Variants in PODXL observed in about 807,000 individuals in gnomAD.
PODXL encodes podocalyxin.
Under a neutral mutation model 48.9 loss-of-function variants are expected in PODXL, and 20 were observed. That is an observed-to-expected ratio of 0.41 (90% CI 0.29 to 0.59). PODXL has a LOEUF of 0.59. PODXL is among the 20% of genes least tolerant of loss of function. PODXL has a pLI of 0.31. For synonymous variants in PODXL, 295 were observed against 287.4 expected (o/e 1.03, Z -0.27); for missense variants, 606 against 675.1 (o/e 0.90, Z 1.13).
chr7:131,512,350 C>T (rs1330172445), intron 1 of PODXL, among the ~76,000 whole-genome samples: 1 of 152,068 alleles, frequency 6.6e-6, no homozygotes, highest in Non-Finnish European at 1.5e-5. Flanking sequence ...CTGCTTACTA[C>T]ACGGAGGAAG....
intron 1 of PODXL, among the ~76,000 whole-genome samples, chr7:131,548,780 C>A (rs1798623371): frequency 6.6e-6 from 1 of 152,016 alleles, no homozygotes; most frequent in Admixed American, 6.6e-5. Flanking sequence ...GACATGGCCC[C>A]CTCCTGCTTC....
At chr7:131,527,612 G>T (rs904079786) in intron 1 of PODXL, among the ~76,000 whole-genome samples, 36 of 152,312 alleles carry the variant, frequency 2.4e-4, no homozygotes, top group African/African-American at 7.7e-4. Context: ...GCCTGACTCG[G>T]GCAGACTGAA....
chr7:131,546,384 GCTAACCACC>G (rs774204718), intron 1 of PODXL, among the ~76,000 whole-genome samples: 6 of 152,142 alleles, frequency 3.9e-5, no homozygotes, highest in Non-Finnish European at 7.3e-5. Flanking sequence ...CACGTTATGG[GCTAACCACC>G]TAGGGGGCTG....
intron 1 of PODXL, among the ~76,000 whole-genome samples, chr7:131,519,539 ATTGTT>A (rs1798060769): frequency 6.6e-6 from 1 of 152,154 alleles, no homozygotes; most frequent in Non-Finnish European, 1.5e-5. Flanking sequence ...AAAATCAAAA[ATTGTT>A]TTTTTTAAAC....
chr7:131,544,735 C>A (rs1798544527), intron 1 of PODXL, among the ~76,000 whole-genome samples: 1 of 152,146 alleles, frequency 6.6e-6, no homozygotes, highest in Non-Finnish European at 1.5e-5. Context: ...ACAATGGGCA[C>A]CCCTCCTCAT....
intron 7 of PODXL, 64 bp from the exon 8 acceptor site, chr7:131,506,099 T>G (rs994471462): frequency 6.4e-7 from 1 of 1,573,814 alleles, no homozygotes; most frequent in African/African-American, 1.3e-5. Flanking sequence ...CCGGCTTCAC[T>G]GTAGAGCCCC....
chr7:131,514,843 A>G (rs904174336), intron 1 of PODXL, among the ~76,000 whole-genome samples: 1 of 152,124 alleles, frequency 6.6e-6, no homozygotes, highest in Non-Finnish European at 1.5e-5. Context: ...TTCTAGGCTC[A>G]AGTGATCCTC....
intron 1 of PODXL, among the ~76,000 whole-genome samples, chr7:131,516,673 CTGAAATGAGAA>C (rs1234570582): frequency 2.6e-5 from 4 of 151,184 alleles, no homozygotes; most frequent in African/African-American, 9.7e-5. Flanking sequence ...TTCCATGTCT[CTGAAATGAGAA>C]TGTATTATAA....
intron 1 of PODXL, among the ~76,000 whole-genome samples, chr7:131,541,543 G>A (rs556603929): frequency 7.2e-5 from 11 of 152,150 alleles, no homozygotes; most frequent in Admixed American, 5.9e-4. Context: ...AAAATTAGCC[G>A]GGCTTGGTGG....
chr7:131,556,119 A>G, intron 1 of PODXL, 141 bp downstream of exon 1: 1 of 1,184,780 alleles, frequency 8.4e-7, no homozygotes, highest in Non-Finnish European at 1.1e-6. Context: ...GTGCAAGGTC[A>G]GGGCTCCGTG....
chr7:131,552,293 G>A (rs971128133), intron 1 of PODXL, among the ~76,000 whole-genome samples: 3 of 152,216 alleles, frequency 2.0e-5, no homozygotes, highest in Non-Finnish European at 2.9e-5. Context: ...CACAGATCAT[G>A]GAACACACTT....
intron 1 of PODXL, among the ~76,000 whole-genome samples, chr7:131,532,518 G>GA (rs1562913103): frequency 6.7e-6 from 1 of 149,370 alleles, no homozygotes; most frequent in South Asian, 2.1e-4. Context: ...TCTTTTTTTT[G>GA]GAGGGGGGGT....
At chr7:131,507,052 T>A in intron 5 of PODXL, 1 of 281,934 alleles carries the variant, frequency 3.5e-6, no homozygotes, top group Non-Finnish European at 6.9e-6. Flanking sequence ...GGGGGTTGTT[T>A]TCATCTCCCT....
intron 1 of PODXL, among the ~76,000 whole-genome samples, chr7:131,516,215 T>C (rs182305400): frequency 7.2e-5 from 11 of 152,324 alleles, no homozygotes; most frequent in Admixed American, 7.2e-4. Context: ...AGCTGAGTTG[T>C]CAGAAATTCC....
At chr7:131,537,472 A>C (rs1208889937) in intron 1 of PODXL, among the ~76,000 whole-genome samples, 1 of 152,150 alleles carries the variant, frequency 6.6e-6, no homozygotes, top group African/African-American at 2.4e-5. Flanking sequence ...CTGTAGTCTC[A>C]GCTACGCAGG....
rs75301874 is a variant in PODXL, at chr7:131,554,341, C to T, written c.100+1919G>A. Among the ~76,000 whole-genome samples, 1,048 of 152,310 alleles carry T rather than the reference C, an allele frequency of 6.9e-3. 12 individuals are homozygous for T. Among genetic ancestry groups the T allele is most frequent in the East Asian group, 0.056 (288 of 5,178 alleles). On this transcript the variant is annotated intron_variant, in intron 1 of 8. Transcript: ENST00000378555. ...ATGATCATCATCCTCTCCCCATCCC[C>T]CACTTAGCACTTTGCACTTTTCTAA... is the stretch of plus-strand genomic sequence containing the variant.
chr7:131,545,024 G>A (rs1022587750), intron 1 of PODXL, among the ~76,000 whole-genome samples: 1 of 152,158 alleles, frequency 6.6e-6, no homozygotes, highest in African/African-American at 2.4e-5. Context: ...ATCTAAAACA[G>A]CACCGTGATG....
Position 131,556,126 on chromosome 7 carries a change from C to CGT in PODXL, c.100+132_100+133dup, listed in dbSNP as rs939392923. The CGT allele has an allele frequency of 5.7e-6, 7 of 1,219,146 alleles. No individual in the cohort carries two copies. The African/African-American group carries it at 1.1e-4, about 19-fold the overall frequency. 75.5% of individuals were successfully genotyped at this position (1,219,146 alleles called of 1,614,324 possible). ...CGTGGATGGTGCAAGGTCAGGGCTC[C>CGT]GTGTGTGACCCCGGCGGTGATAGGG... is the stretch of plus-strand genomic sequence containing the variant. On this transcript the variant is annotated intron_variant, in intron 1 of 8. Coordinates refer to ENST00000378555, the MANE Select transcript of PODXL (RefSeq NM_001018111.3).
chr7:131,556,395 C>T lies in PODXL; in HGVS notation c.-36G>A, dbSNP rs1362255991. On this transcript the variant is annotated 5_prime_UTR_variant, in exon 1 of 9. Coordinates refer to ENST00000378555, the MANE Select transcript of PODXL (RefSeq NM_001018111.3). ...CCTCTGGGCCGGGAGCAGGTGGCTG[C>T]GGTGCCGGCGGAGGATCCGCGCGTC... is the stretch of plus-strand genomic sequence containing the variant. The T allele has an allele frequency of 1.0e-5, 14 of 1,340,950 alleles. No individual in the cohort carries two copies. Among genetic ancestry groups the T allele is most frequent in the Non-Finnish European group, 1.2e-5 (13 of 1,046,828 alleles). The allele number at this position is 1,340,950 out of a possible 1,614,324, so 83.1% of individuals were successfully genotyped here.
Sources: allele counts gnomAD v4.1 joint callset (sites outside exome capture counted in the v4.1 genomes callset), GRCh38; gene constraint gnomAD v4.1.1; transcripts MANE v1.5; gene names NCBI Gene and HGNC (gene_info 2026-07-23, HGNC 2026-07-21).